The following SLC22A23 variants were observed in gnomAD, a reference collection of about 807,000 sequenced individuals.
The protein encoded by SLC22A23 is ion transporter protein.
SLC22A23 carries 26 observed loss-of-function variants against 61.0 expected under a neutral mutation model. That is an observed-to-expected ratio of 0.43 (90% confidence interval 0.31 to 0.59). SLC22A23 has a LOEUF of 0.59. SLC22A23 is among the 20% of genes least tolerant of loss of function. The pLI is 0.11. For synonymous variants in SLC22A23, 430 were observed against 413.9 expected (o/e 1.04, Z -0.47); for missense variants, 796 against 934.7 (o/e 0.85, Z 1.94).
chr6:3,349,792 T>C (rs1409144753), intron 3 of SLC22A23, among the ~76,000 whole-genome samples: 3 of 152,236 alleles, frequency 2.0e-5, no homozygotes, highest in Admixed American at 1.3e-4. Context: ...AGGAAATTCA[T>C]ATGAAGTGGG....
chr6:3,286,760 T>A lies in SLC22A23; in HGVS notation c.1546+99A>T. On this transcript the variant is annotated intron_variant, in intron 7 of 9. Coordinates refer to ENST00000406686, the MANE Select transcript of SLC22A23 (RefSeq NM_015482.2). This position sits in a 1 kb window ranked among gnomAD's most constrained non-coding sequence, Gnocchi z 4.2. Reference sequence around the variant, plus strand: ...AAGCAGCTCCTTCCAGCAGTAGATTTTAGAGTGGCCAGCGGAGTCTTATGC... The same window carrying A: ...AAGCAGCTCCTTCCAGCAGTAGATTATAGAGTGGCCAGCGGAGTCTTATGC... The A allele has an allele frequency of 1.9e-6, 2 of 1,044,656 alleles. No individual in the cohort carries two copies. The highest frequency in any genetic ancestry group is 1.4e-6 in the Non-Finnish European group (1 of 709,586). 64.7% of individuals were successfully genotyped at this position (1,044,656 alleles called of 1,614,324 possible). A position where few individuals can be genotyped will look rare whatever the true frequency, so the allele number is the denominator to read the frequency against.
At chr6:3,412,893 A>G (rs1371274791) in intron 2 of SLC22A23, among the ~76,000 whole-genome samples, 4 of 152,180 alleles carry the variant, frequency 2.6e-5, no homozygotes, top group African/African-American at 7.2e-5. Context: ...AGCTAGAAAA[A>G]GCAGGGGAGC....
At chr6:3,451,345 C>T (rs1192446526) in intron 1 of SLC22A23, among the ~76,000 whole-genome samples, 3 of 152,126 alleles carry the variant, frequency 2.0e-5, no homozygotes, top group East Asian at 1.9e-4. Flanking sequence ...TAGAGGCGTG[C>T]GCCACCACGC....
chr6:3,299,001 C>A (rs1381101518), intron 4 of SLC22A23, among the ~76,000 whole-genome samples: 8 of 145,560 alleles, frequency 5.5e-5, no homozygotes, highest in Admixed American at 5.4e-4. Context: ...AAAAAATGTT[C>A]CCAACACACA....
chr6:3,295,752 C>T (rs959249484), intron 5 of SLC22A23, among the ~76,000 whole-genome samples: 3 of 152,170 alleles, frequency 2.0e-5, no homozygotes, highest in South Asian at 2.1e-4. Flanking sequence ...CCCTGCCAAT[C>T]GTGCTGCCAT....
intron 1 of SLC22A23, among the ~76,000 whole-genome samples, chr6:3,444,623 G>A (rs550893198): frequency 6.6e-5 from 10 of 152,180 alleles, no homozygotes; most frequent in South Asian, 4.1e-4. Context: ...CCACTCTCCC[G>A]GCCTTGGCTA....
rs1164480824 is a variant in SLC22A23 at position 3,297,371 on chromosome 6, G to T, written c.1210+720C>A. On this transcript the variant is annotated intron_variant, in intron 5 of 9. Transcript: ENST00000406686. This position sits in a 1 kb window ranked among gnomAD's most constrained non-coding sequence, Gnocchi z 4.3. ...GGCAGTGAGTCAGAGCTTGGGCCGA[G>T]ACCACCAGTGATCTTCAAACGGAAA... Among the ~76,000 whole-genome samples, 1 of 152,164 alleles carries T rather than the reference G, an allele frequency of 6.6e-6. No homozygotes were observed. The highest frequency in any genetic ancestry group is 1.5e-5 in the Non-Finnish European group (1 of 68,038).
At chr6:3,412,205 T>C (rs1769311028) in intron 2 of SLC22A23, among the ~76,000 whole-genome samples, 1 of 152,192 alleles carries the variant, frequency 6.6e-6, no homozygotes, top group Non-Finnish European at 1.5e-5. Context: ...AGAAAAGATG[T>C]TCGATTTTTT....
At chr6:3,430,550 G>C (rs115623115) in intron 1 of SLC22A23, among the ~76,000 whole-genome samples, 5,024 of 151,840 alleles carry the variant, frequency 0.033, 301 homozygotes, top group African/African-American at 0.12. Context: ...TATTGGTCAC[G>C]TATTGAGTGC....
chr6:3,285,050 G>A (rs200429485), intron 8 of SLC22A23, 29 bp downstream of exon 8: 161 of 1,611,540 alleles, frequency 1.0e-4, no homozygotes, highest in Non-Finnish European at 8.4e-5. Context: ...ATGAGACGAG[G>A]AAGCACAGCC....
intron 4 of SLC22A23, among the ~76,000 whole-genome samples, chr6:3,306,912 G>A (rs1473259989): frequency 6.6e-6 from 1 of 152,272 alleles, no homozygotes; most frequent in East Asian, 1.9e-4. Context: ...CTGCCAGGCT[G>A]TGTGTGTCTG....
At chr6:3,282,583 C>CCGCTA (rs1759570501) in intron 9 of SLC22A23, among the ~76,000 whole-genome samples, 1 of 152,234 alleles carries the variant, frequency 6.6e-6, no homozygotes, top group Non-Finnish European at 1.5e-5. Flanking sequence ...ACTGGAATAG[C>CCGCTA]CGCTACTGGA....
Position 3,322,496 on chromosome 6 carries a change from A to G in SLC22A23, c.1082+1338T>C, listed in dbSNP as rs1351826884. Reference sequence around the variant, plus strand: ...GTTGTGCTGCGGGAGGGGTTTGGACATCCAACTTCGGGACAAGAGCTGGAG... The same window carrying G: ...GTTGTGCTGCGGGAGGGGTTTGGACGTCCAACTTCGGGACAAGAGCTGGAG... On this transcript the variant is annotated intron_variant, in intron 4 of 9. Transcript: ENST00000406686. This position sits in a 1 kb window ranked among gnomAD's most constrained non-coding sequence, Gnocchi z 4.1. Among the ~76,000 whole-genome samples the G allele has an allele frequency of 2.6e-5, 4 of 152,208 alleles. No individual in the cohort carries two copies. The highest frequency in any genetic ancestry group is 5.9e-5 in the Non-Finnish European group (4 of 68,034).
intron 8 of SLC22A23, chr6:3,284,801 C>T: frequency 8.9e-7 from 1 of 1,123,662 alleles, no homozygotes; most frequent in Non-Finnish European, 1.3e-6. Context: ...GGCGCCGGGC[C>T]AGGGCCTGTG....
chr6:3,429,845 T>C (rs1260154632), intron 1 of SLC22A23, among the ~76,000 whole-genome samples: 5 of 151,226 alleles, frequency 3.3e-5, no homozygotes, highest in Non-Finnish European at 5.9e-5. Flanking sequence ...GTGCCTGGAG[T>C]AGTTAAATTC....
intron 5 of SLC22A23, chr6:3,290,207 G>A: frequency 2.7e-6 from 1 of 372,054 alleles, no homozygotes; most frequent in Non-Finnish European, 5.1e-6. Flanking sequence ...ACAGAGCTCA[G>A]CGATGATATT....
At chr6:3,361,292 C>A (rs1229561519) in intron 3 of SLC22A23, among the ~76,000 whole-genome samples, 1 of 83,490 alleles carries the variant, frequency 1.2e-5, no homozygotes, top group Admixed American at 1.1e-4. Context: ...ACTCCTACAT[C>A]ATTCTTTTTT....
intron 3 of SLC22A23, among the ~76,000 whole-genome samples, chr6:3,359,612 G>A (rs541498546): frequency 2.2e-4 from 34 of 152,280 alleles, no homozygotes; most frequent in East Asian, 9.6e-4. Flanking sequence ...AATGTACAAC[G>A]GTGCAGCCAA....
At chr6:3,451,298 G>A (rs1489020895) in intron 1 of SLC22A23, among the ~76,000 whole-genome samples, 2 of 152,244 alleles carry the variant, frequency 1.3e-5, no homozygotes, top group East Asian at 3.8e-4. Context: ...CCAGGCTTGA[G>A]GGACTCTCCT....
Sources: gnomAD v4.1 joint callset for allele counts (sites outside exome capture counted in the v4.1 genomes callset) on GRCh38, gnomAD v4.1.1 for gene constraint, Gnocchi (gnomAD v3.1) non-coding constraint, MANE v1.5 for transcripts, NCBI Gene and HGNC (gene_info 2026-07-23, HGNC 2026-07-21) for gene names.